The following EHBP1 variants were observed in gnomAD, a reference collection of about 807,000 sequenced individuals.
The protein encoded by EHBP1 is EH domain binding protein 1.
EHBP1 carries 55 observed loss-of-function variants against 144.0 expected under a neutral mutation model. That is an observed-to-expected ratio of 0.38 (90% confidence interval 0.31 to 0.48). The LOEUF (loss-of-function observed/expected upper bound fraction) is 0.48, where lower values mean the gene tolerates loss of function less well. Ranked by LOEUF, EHBP1 falls within the 20% of genes least tolerant of loss-of-function variation. The pLI, the probability that EHBP1 is intolerant of heterozygous loss-of-function variation, is 0.98. For synonymous variants in EHBP1, 469 were observed against 472.7 expected (o/e 0.99, Z 0.10); for missense variants, 1,200 against 1,364.2 (o/e 0.88, Z 1.90).
chr2:62,852,187 T>C (rs559653001), intron 7 of EHBP1, among the ~76,000 whole-genome samples: 3 of 152,206 alleles, frequency 2.0e-5, no homozygotes, highest in Non-Finnish European at 4.4e-5. Flanking sequence ...TTTAGGAACA[T>C]AAGATAATTA....
chr2:62,741,847 A>G (rs370895977), intron 2 of EHBP1, among the ~76,000 whole-genome samples: 1 of 152,186 alleles, frequency 6.6e-6, no homozygotes, highest in African/African-American at 2.4e-5. Context: ...TAACAACTAT[A>G]TAGTATTTAC....
chr2:62,869,706 T>A (rs1014347578), intron 9 of EHBP1, among the ~76,000 whole-genome samples: 1 of 152,260 alleles, frequency 6.6e-6, no homozygotes, highest in East Asian at 1.9e-4. Flanking sequence ...TTATCTTGAT[T>A]TGTGCTGATG....
In EHBP1 at chr2:63,045,483, A is replaced by G; in HGVS notation, c.3466A>G (p.Lys1156Glu). The change falls in exon 23 of 23, where the codon AAA (lysine) becomes GAA (glutamate). Residue 1156 changes from lysine (K) to glutamate (E), a missense_variant. By Grantham distance (56) the Lys-to-Glu change is moderately conservative. Transcript: ENST00000431489. This position sits in a 1 kb window ranked among gnomAD's most constrained non-coding sequence, Gnocchi z 5.7. The part of the protein sequence containing the change: ...NKGKMAKKEE[K>E]CVLQ The stretch of plus-strand genomic sequence containing the variant: ...AGGCAAGATGGCCAAGAAAGAGGAG[A>G]AATGTGTTCTTCAGTAGCCATCAGA... 6.2e-7 allele frequency: 1 copy of G among 1,613,886 alleles called. No homozygotes were observed. Among genetic ancestry groups the G allele is most frequent in the Non-Finnish European group, 8.5e-7 (1 of 1,179,818 alleles).
chr2:62,679,587 C>T (rs10208675), intron 1 of EHBP1, among the ~76,000 whole-genome samples: 121,960 of 152,124 alleles, frequency 0.8, 49,109 homozygotes, highest in East Asian at 0.91. Context: ...ATCTAGTACC[C>T]GAAGCAAGGA....
At chr2:62,773,869 AAAAAAAAAAAAAAAAAGAG>A (rs1342461990) in intron 5 of EHBP1, among the ~76,000 whole-genome samples, 5 of 147,260 alleles carry the variant, frequency 3.4e-5, no homozygotes, top group African/African-American at 1.3e-4. Context: ...AAAAAAAAAA[AAAAAAAAAAAAAAAAAGAG>A]AGAGAGAAGA....
intron 2 of EHBP1, among the ~76,000 whole-genome samples, chr2:62,739,469 T>A (rs184587148): frequency 6.6e-6 from 1 of 151,960 alleles, no homozygotes; most frequent in African/African-American, 2.4e-5. Context: ...TTTAGTGACA[T>A]GTGAGGCTTC....
chr2:62,977,400 CT>C (rs944490721), intron 14 of EHBP1, among the ~76,000 whole-genome samples: 28 of 152,076 alleles, frequency 1.8e-4, no homozygotes, highest in African/African-American at 6.3e-4. Flanking sequence ...TTCCTACCTC[CT>C]TGTCTCTCTT....
chr2:62,918,912 T>C (rs1453615401), intron 10 of EHBP1, among the ~76,000 whole-genome samples: 2 of 151,822 alleles, frequency 1.3e-5, no homozygotes, highest in Non-Finnish European at 2.9e-5. Context: ...ATCTGCCAGA[T>C]GTAACTATTT....
chr2:62,795,025 C>T (rs2043439855), intron 5 of EHBP1, among the ~76,000 whole-genome samples: 1 of 151,274 alleles, frequency 6.6e-6, no homozygotes, highest in South Asian at 2.1e-4. Context: ...TCATTCGTAA[C>T]TAATGTGTGT....
intron 19 of EHBP1, among the ~76,000 whole-genome samples, chr2:63,001,495 T>G (rs902666797): frequency 1.3e-5 from 2 of 152,170 alleles, no homozygotes; most frequent in South Asian, 4.1e-4. Context: ...TAAAGCTGCT[T>G]TAAAGCAGGG....
chr2:62,974,881 T>C (rs1458544591), intron 14 of EHBP1, among the ~76,000 whole-genome samples: 1 of 152,126 alleles, frequency 6.6e-6, no homozygotes. Context: ...TATGTTCCAG[T>C]TATTATTGCT....
At chr2:62,739,335 A>G (rs138211978) in intron 2 of EHBP1, among the ~76,000 whole-genome samples, 2 of 152,218 alleles carry the variant, frequency 1.3e-5, no homozygotes, top group African/African-American at 4.8e-5. Context: ...GTGTGTTGAG[A>G]TGAAATTGTG....
chr2:62,887,033 C>T (rs1009778799), intron 10 of EHBP1, among the ~76,000 whole-genome samples: 4 of 151,970 alleles, frequency 2.6e-5, no homozygotes, highest in African/African-American at 7.2e-5. Flanking sequence ...ATTGAAGGTC[C>T]AGTGCTGATA....
At chr2:62,933,534 A>G (rs1160212190) in intron 10 of EHBP1, among the ~76,000 whole-genome samples, 8 of 152,204 alleles carry the variant, frequency 5.3e-5, no homozygotes, top group Non-Finnish European at 1.0e-4. Context: ...ATTTTGTAAC[A>G]TCATGCATTA....
intron 10 of EHBP1, among the ~76,000 whole-genome samples, chr2:62,907,425 A>G (rs1033655770): frequency 4.6e-5 from 7 of 152,198 alleles, no homozygotes; most frequent in Non-Finnish European, 1.0e-4. Flanking sequence ...TTAGGCTGCT[A>G]TAACACAATA....
intron 10 of EHBP1, among the ~76,000 whole-genome samples, chr2:62,886,735 G>A (rs1417405798): frequency 6.6e-6 from 1 of 152,078 alleles, no homozygotes; most frequent in African/African-American, 2.4e-5. Flanking sequence ...ATTTAGTTAG[G>A]CAAAACAGTT....
At chr2:62,972,262 C>T (rs1169940213) in intron 14 of EHBP1, among the ~76,000 whole-genome samples, 11 of 152,176 alleles carry the variant, frequency 7.2e-5, no homozygotes, top group African/African-American at 2.2e-4. Context: ...ATATTATGAA[C>T]GTATTTGAGC....
intron 3 of EHBP1, among the ~76,000 whole-genome samples, chr2:62,758,761 C>T (rs998318537): frequency 2.0e-5 from 3 of 152,132 alleles, no homozygotes; most frequent in Admixed American, 6.5e-5. Context: ...CTTCCTTGCT[C>T]TGTGGTTGTG....
chr2:62,808,272 T>C (rs1402271824), intron 5 of EHBP1, among the ~76,000 whole-genome samples: 3 of 151,666 alleles, frequency 2.0e-5, no homozygotes, highest in Non-Finnish European at 4.4e-5. Context: ...TATTGACTTC[T>C]TCTGTAGTTG....
Sources: gnomAD v4.1 joint callset for allele counts (sites outside exome capture counted in the v4.1 genomes callset) on GRCh38, gnomAD v4.1.1 for gene constraint, Gnocchi (gnomAD v3.1) non-coding constraint, MANE v1.5 for transcripts, NCBI Gene and HGNC (gene_info 2026-07-23, HGNC 2026-07-21) for gene names.